FOXO3B: variants seen among roughly 807,000 people sequenced by gnomAD.
FOXO3B encodes the protein forkhead box protein O3B.
A neutral mutation model predicts 21.9 loss-of-function variants in FOXO3B; 15 were observed. The ratio of observed to expected loss-of-function variants is 0.68; its 90% confidence interval spans 0.46 to 1.05. The LOEUF is 1.05. Ranked by LOEUF, FOXO3B falls within the 50% of genes least tolerant of loss-of-function variation. FOXO3B has a pLI of 0.00. For synonymous variants in FOXO3B, 135 were observed against 213.6 expected (o/e 0.63, Z 3.21); for missense variants, 293 against 435.5 (o/e 0.67, Z 2.91).
At position 18,669,431 on chromosome 17, in the gene FOXO3B, G is replaced by A. The variant is rs1168973899; in HGVS notation, c.*2878C>T. The A allele has an allele frequency of 2.6e-5, 4 of 152,224 alleles. No homozygotes were observed. In the East Asian group the frequency reaches 5.8e-4, roughly 22 times the overall value. 9.4% of individuals were successfully genotyped at this position (152,224 alleles called of 1,614,324 possible). A position where few individuals can be genotyped will look rare whatever the true frequency, so the allele number is the denominator to read the frequency against. ...TAATGCTTTTTATGCAAAGAAAAGA[G>A]TCTTCATATATCACTTTGGAGAAGT... On this transcript the variant is annotated 3_prime_UTR_variant, in exon 4 of 4. Coordinates refer to ENST00000395675, the MANE Select transcript of FOXO3B (RefSeq NM_001368135.1).
intron 3 of FOXO3B, chr17:18,677,644 C>G (rs1324401258): frequency 6.2e-7 from 1 of 1,608,588 alleles, no homozygotes; most frequent in Non-Finnish European, 8.5e-7. Context: ...TCTGGGGCCC[C>G]AGGGGGCTTG....
At chr17:18,678,852 A>C (rs2386406) in intron 3 of FOXO3B, among the ~76,000 whole-genome samples, 23,371 of 151,972 alleles carry the variant, frequency 0.15, 1,973 homozygotes, top group African/African-American at 0.22. Flanking sequence ...CGTGCACGTG[A>C]ATGTGTGTGT....
Position 18,672,834 on chromosome 17 carries a change from A to G in FOXO3B, c.348T>C (p.Cys116=). 1 of 1,560,582 alleles carries G rather than the reference A, an allele frequency of 6.4e-7. No individual in the cohort carries two copies. Among genetic ancestry groups the G allele is most frequent in the East Asian group, 2.4e-5 (1 of 42,050 alleles). Residue 116 remains cysteine, a synonymous_variant, in exon 4 of 4, where the codon TGT becomes TGC. Coordinates refer to ENST00000395675, the MANE Select transcript of FOXO3B (RefSeq NM_001368135.1). This position sits in a 1 kb window ranked among gnomAD's most constrained non-coding sequence, Gnocchi z 4.2. ...EFEPQSRPRS[C]TWPLQRPELQ... ...GCTCCGGCCTTTGCAGGGGCCACGT[A>G]CAGGATCGCGGACGGCTCTGGGGCT... is the stretch of plus-strand genomic sequence containing the variant.
intron 3 of FOXO3B, among the ~76,000 whole-genome samples, chr17:18,674,492 G>A (rs991095337): frequency 2.0e-5 from 3 of 150,692 alleles, no homozygotes; most frequent in Non-Finnish European, 1.5e-5. Flanking sequence ...CGGGTGTGGT[G>A]GCGGGCACCT....
intron 3 of FOXO3B, among the ~76,000 whole-genome samples, chr17:18,674,526 C>T (rs1489864905): frequency 1.2e-4 from 17 of 147,134 alleles, no homozygotes; most frequent in Admixed American, 1.4e-4. Context: ...CTCAGGAGGC[C>T]GAGGCAGGAG....
At position 18,671,600 on chromosome 17, in the gene FOXO3B, G is replaced by A; in HGVS notation, c.*709C>T. The A allele has an allele frequency of 1.2e-6, 2 of 1,613,656 alleles. No homozygotes were observed. Among genetic ancestry groups the A allele is most frequent in the South Asian group, 2.2e-5 (2 of 91,058 alleles). On this transcript the variant is annotated 3_prime_UTR_variant, in exon 4 of 4. Coordinates refer to ENST00000395675, the MANE Select transcript of FOXO3B (RefSeq NM_001368135.1). ...TGGTCTGCATGGGAGACTGGCGTAG[G>A]GAGTTCAGAGATGAAGGTCCAAACA...
Position 18,670,902 on chromosome 17 carries a change from C to T in FOXO3B, c.*1407G>A. The T allele has an allele frequency of 2.5e-6, 4 of 1,571,106 alleles. No homozygotes were observed. The highest frequency in any genetic ancestry group is 3.5e-6 in the Non-Finnish European group (4 of 1,157,842). ...GCCCACTTCCCCTTCCTCAGTGATC[C>T]TTCAGCCTGGCACCCAGCTCTGAGA... On this transcript the variant is annotated 3_prime_UTR_variant, in exon 4 of 4. Coordinates refer to ENST00000395675, the MANE Select transcript of FOXO3B (RefSeq NM_001368135.1).
In FOXO3B at chr17:18,677,713, C is replaced by T. The variant is rs573454389; in HGVS notation, c.126+3028G>A. The T allele has an allele frequency of 1.1e-5, 18 of 1,597,594 alleles. No individual in the cohort carries two copies. The East Asian group carries it at 3.8e-4, about 34-fold the overall frequency. The stretch of plus-strand genomic sequence containing the variant: ...GCTGGCGAGCGCGATAAGAAGCTGG[C>T]GGCCAAGAAAAAGACGGACAAGAAG... On this transcript the variant is annotated intron_variant, in intron 3 of 3. Coordinates refer to ENST00000395675, the MANE Select transcript of FOXO3B (RefSeq NM_001368135.1).
chr17:18,671,880 G>A lies in FOXO3B; in HGVS notation c.*429C>T. The A allele has an allele frequency of 2.5e-6, 4 of 1,613,474 alleles. No homozygotes were observed. In the Admixed American group the frequency reaches 6.7e-5, roughly 27 times the overall value. ...CTGAAGGTGACAGGCTCGCTGAGCT[G>A]CTGTAGAGCATGGGCGAGAGAGGCG... On this transcript the variant is annotated 3_prime_UTR_variant, in exon 4 of 4. Transcript: ENST00000395675.
intron 3 of FOXO3B, chr17:18,677,543 C>T (rs2032513368): frequency 1.2e-6 from 2 of 1,609,364 alleles, no homozygotes; most frequent in Admixed American, 3.4e-5. Flanking sequence ...CCCGTCTGCT[C>T]ACAGAGATCC....
At chr17:18,676,609 C>T (rs60640438) in intron 3 of FOXO3B, among the ~76,000 whole-genome samples, 13,709 of 152,082 alleles carry the variant, frequency 0.09, 729 homozygotes, top group African/African-American at 0.16. Context: ...TATACACACA[C>T]ATACACAAAC....
chr17:18,681,539 G>A (rs567767946), intron 2 of FOXO3B, 76 bp downstream of exon 2: 1 of 650,044 alleles, frequency 1.5e-6, no homozygotes, highest in Non-Finnish European at 2.8e-6. Context: ...CACCTCCCCT[G>A]AGCCAACCGT....
rs1262348826 is a variant in FOXO3B, at chr17:18,673,070, G to A, written c.127-15C>T. The stretch of plus-strand genomic sequence containing the variant: ...GCCGCCGCCGCCTGGGGAAGCACGA[G>A]AGAAGAGAGAAGGAGAGTTGGTTAT... On this transcript the variant is annotated splice_polypyrimidine_tract_variant and intron_variant, in intron 3 of 3. Transcript: ENST00000395675. 2.0e-6 allele frequency: 3 copies of A among 1,464,126 alleles called. No individual in the cohort carries two copies. Among genetic ancestry groups the A allele is most frequent in the Admixed American group, 2.3e-5 (1 of 42,726 alleles). The allele number at this position is 1,464,126 out of a possible 1,614,324, so 90.7% of individuals were successfully genotyped here.
At position 18,672,080 on chromosome 17, in the gene FOXO3B, C is replaced by T. The variant is rs2032378271; in HGVS notation, c.*229G>A. 2.5e-6 allele frequency: 4 copies of T among 1,610,364 alleles called. No homozygotes were observed. Among genetic ancestry groups the T allele is most frequent in the Middle Eastern group, 1.7e-4 (1 of 6,048 alleles). Reference sequence around the variant, plus strand: ...CACTTGGAGAGCTGGGAGGGACTGTCGTCAGCTGATTCGGGGGCTGTCTGC... The same window carrying T: ...CACTTGGAGAGCTGGGAGGGACTGTTGTCAGCTGATTCGGGGGCTGTCTGC... On this transcript the variant is annotated 3_prime_UTR_variant, in exon 4 of 4. Transcript: ENST00000395675. This position sits in a 1 kb window ranked among gnomAD's most constrained non-coding sequence, Gnocchi z 4.2.
chr17:18,681,070 C>A (rs1290637181), intron 2 of FOXO3B, among the ~76,000 whole-genome samples: 2 of 151,938 alleles, frequency 1.3e-5, no homozygotes, highest in East Asian at 1.9e-4. Flanking sequence ...ATCCTCTGAT[C>A]TAGAAATTAG....
At chr17:18,673,449 T>A (rs2151735294) in intron 3 of FOXO3B, among the ~76,000 whole-genome samples, 1 of 152,268 alleles carries the variant, frequency 6.6e-6, no homozygotes, top group South Asian at 2.1e-4. Context: ...GCTTGAAATT[T>A]TTCTGTTTTA....
At position 18,672,127 on chromosome 17, in the gene FOXO3B, G is replaced by C; in HGVS notation, c.*182C>G. The stretch of plus-strand genomic sequence containing the variant: ...CTGCAGGGCTGCCTTCTTCTTGGCT[G>C]TGCGGCCACGGCTCTTGGTATACTT... On this transcript the variant is annotated 3_prime_UTR_variant, in exon 4 of 4. Transcript: ENST00000395675. This position sits in a 1 kb window ranked among gnomAD's most constrained non-coding sequence, Gnocchi z 4.2. 1.2e-6 allele frequency: 2 copies of C among 1,612,382 alleles called. No homozygotes were observed. The highest frequency in any genetic ancestry group is 1.7e-6 in the Non-Finnish European group (2 of 1,179,074).
At position 18,672,623 on chromosome 17, in the gene FOXO3B, C is replaced by G; in HGVS notation, c.559G>C (p.Ala187Pro). 1 of 1,444,546 alleles carries G rather than the reference C, an allele frequency of 6.9e-7. No individual in the cohort carries two copies. 89.5% of individuals were successfully genotyped at this position (1,444,546 alleles called of 1,614,324 possible). The change falls in exon 4 of 4, where the codon GCA becomes CCA. Residue 187 changes from alanine to proline, a missense_variant. This residue lies in a region of FOXO3B where 251 missense variants were observed against 404.0 expected (regional missense o/e 0.62). Transcript: ENST00000395675. The surrounding 1 kb of genome is among the most constrained non-coding windows in gnomAD (Gnocchi z 4.2). ...LLLEDSVRVL[A>P]PGGQDPGSGP... ...GACCCGGGGTCTTGCCCTCCGGGTG[C>G]CAGCACCCGGACCGAGTCCTCAAGG...
At chr17:18,679,985 G>T in intron 3 of FOXO3B, among the ~76,000 whole-genome samples, 1 of 151,984 alleles carries the variant, frequency 6.6e-6, no homozygotes, top group Admixed American at 6.6e-5. Context: ...GACTACAGGT[G>T]CGTGCCACCA....
Sources: allele counts gnomAD v4.1 joint callset (sites outside exome capture counted in the v4.1 genomes callset), GRCh38; gene constraint gnomAD v4.1.1; regional missense constraint gnomAD v4.1.1; non-coding constraint Gnocchi (gnomAD v3.1); transcripts MANE v1.5; gene names NCBI Gene and HGNC (gene_info 2026-07-23, HGNC 2026-07-21).